Variants in RIT2 observed in about 807,000 individuals in gnomAD.
RIT2 encodes Ras like without CAAX 2, also known as GTP-binding protein Rit2.
Under a neutral mutation model 23.7 loss-of-function variants are expected in RIT2, and 24 were observed. That is an observed-to-expected ratio of 1.01 (90% CI 0.73 to 1.43). The LOEUF (loss-of-function observed/expected upper bound fraction) is 1.43. RIT2 is among the 40% of genes most tolerant of loss of function. The pLI, the probability that RIT2 is intolerant of heterozygous loss-of-function variation, is 0.00. For missense variants in RIT2, 236 were observed against 266.9 expected, an observed-to-expected ratio of 0.88 and a Z score of 0.81; for synonymous variants, 107 against 91.1, an observed-to-expected ratio of 1.17 and a Z score of -0.99.
intron 1 of RIT2, among the ~76,000 whole-genome samples, chr18:43,112,467 G>T (rs1189232443): frequency 6.6e-6 from 1 of 152,154 alleles, no homozygotes; most frequent in Non-Finnish European, 1.5e-5. Flanking sequence ...AAACTTTATT[G>T]ATTACTTGTG....
intron 3 of RIT2, among the ~76,000 whole-genome samples, chr18:42,933,257 C>T (rs988136815): frequency 2.6e-5 from 4 of 152,058 alleles, no homozygotes; most frequent in East Asian, 3.9e-4. Flanking sequence ...GGTACATCAT[C>T]CTAGATAAAT....
intron 1 of RIT2, among the ~76,000 whole-genome samples, chr18:43,112,417 A>G (rs992247002): frequency 1.3e-5 from 2 of 152,340 alleles, no homozygotes; most frequent in East Asian, 3.9e-4. Flanking sequence ...TACGTCCTTC[A>G]TAGTAACTAG....
intron 4 of RIT2, among the ~76,000 whole-genome samples, chr18:42,813,324 T>C (rs1446292147): frequency 6.6e-6 from 1 of 152,168 alleles, no homozygotes; most frequent in Non-Finnish European, 1.5e-5. Flanking sequence ...ATTCCAATAA[T>C]AGGCCATGTA....
At chr18:42,885,642 C>T (rs1908002993) in intron 4 of RIT2, among the ~76,000 whole-genome samples, 1 of 152,046 alleles carries the variant, frequency 6.6e-6, no homozygotes, top group Non-Finnish European at 1.5e-5. Flanking sequence ...AGTACAAATA[C>T]ATTTTCATGG....
chr18:42,872,951 G>GTA (rs1223279968), intron 4 of RIT2, among the ~76,000 whole-genome samples: 4 of 152,114 alleles, frequency 2.6e-5, no homozygotes, highest in Non-Finnish European at 5.9e-5. Context: ...ATAACAATGA[G>GTA]TATCACCAGA....
At chr18:42,864,903 A>G (rs1236130290) in intron 4 of RIT2, among the ~76,000 whole-genome samples, 2 of 152,130 alleles carry the variant, frequency 1.3e-5, no homozygotes, top group African/African-American at 4.8e-5. Context: ...ATGTATGGAA[A>G]TGTATGCCTT....
intron 4 of RIT2, among the ~76,000 whole-genome samples, chr18:42,848,743 T>C (rs952711421): frequency 1.3e-5 from 2 of 151,664 alleles, no homozygotes; most frequent in Non-Finnish European, 2.9e-5. Context: ...AAGCACATTG[T>C]GAAGTTTTTT....
intron 4 of RIT2, among the ~76,000 whole-genome samples, chr18:42,901,676 T>C (rs1908479509): frequency 6.6e-6 from 1 of 152,050 alleles, no homozygotes; most frequent in African/African-American, 2.4e-5. Context: ...AAAAGTCCAA[T>C]GCATGATATT....
intron 1 of RIT2, among the ~76,000 whole-genome samples, chr18:43,060,060 CA>C (rs1912608227): frequency 6.6e-6 from 1 of 152,058 alleles, no homozygotes; most frequent in Admixed American, 6.6e-5. Context: ...TCATCCATGA[CA>C]ACACAGCATA....
intron 4 of RIT2, among the ~76,000 whole-genome samples, chr18:42,798,992 CTGTT>C (rs1567999136): frequency 2.6e-5 from 4 of 152,178 alleles, no homozygotes; most frequent in African/African-American, 4.8e-5. Context: ...ATTGCATAAA[CTGTT>C]TATTTTAGTT....
rs545069969 is a variant in RIT2, at chr18:42,757,355, T to A, written c.427-13635A>T. Among the ~76,000 whole-genome samples, 6 of 152,298 alleles carry A rather than the reference T, an allele frequency of 3.9e-5. No individual in the cohort carries two copies. In the South Asian group the frequency reaches 1.0e-3, roughly 26 times the overall value. On this transcript the variant is annotated intron_variant, in intron 4 of 4. Coordinates refer to ENST00000326695, the MANE Select transcript of RIT2 (RefSeq NM_002930.4). ...GACCGGGTCATCATGCCTTCTTGAA[T>A]GGAATCTAGGGACCAGAGTAGCAGA... is the stretch of plus-strand genomic sequence containing the variant.
intron 3 of RIT2, among the ~76,000 whole-genome samples, chr18:42,947,635 G>A (rs1909757606): frequency 6.6e-6 from 1 of 152,058 alleles, no homozygotes; most frequent in Non-Finnish European, 1.5e-5. Context: ...TTTCTATACA[G>A]AGAATGAGGC....
intron 2 of RIT2, among the ~76,000 whole-genome samples, chr18:43,007,415 A>T (rs1022937933): frequency 6.6e-5 from 10 of 151,728 alleles, no homozygotes; most frequent in African/African-American, 2.4e-4. Flanking sequence ...AGAAGTAATG[A>T]GCACCGAGTA....
intron 2 of RIT2, among the ~76,000 whole-genome samples, chr18:43,025,049 A>G (rs955983030): frequency 6.6e-6 from 1 of 151,968 alleles, no homozygotes; most frequent in African/African-American, 2.4e-5. Flanking sequence ...CTCCACTAAA[A>G]ATACAAAAAT....
intron 4 of RIT2, among the ~76,000 whole-genome samples, chr18:42,759,712 T>TACACACAC (rs59733922): frequency 4.6e-5 from 6 of 131,660 alleles, no homozygotes; most frequent in African/African-American, 1.7e-4. Context: ...GTGTTAAATC[T>TACACACAC]ACACACACAC....
At chr18:43,029,659 G>C (rs1911810583) in intron 2 of RIT2, among the ~76,000 whole-genome samples, 1 of 152,094 alleles carries the variant, frequency 6.6e-6, no homozygotes, top group Non-Finnish European at 1.5e-5. Context: ...AATGAAAAAG[G>C]AATTCTTTCC....
chr18:42,763,977 T>C, intron 4 of RIT2, among the ~76,000 whole-genome samples: 1 of 152,260 alleles, frequency 6.6e-6, no homozygotes, highest in East Asian at 1.9e-4. Flanking sequence ...ACCACCATTG[T>C]AGATGCAGTC....
rs117934832 is a variant in RIT2 at position 42,873,915 on chromosome 18, T to C, written c.426+49657A>G. ...TACTGAACTGGGAATCAGAGAACAG[T>C]TAGTGAACTGTGGCCCTGGGGGAAC... On this transcript the variant is annotated intron_variant, in intron 4 of 4. Transcript: ENST00000326695. Among the ~76,000 whole-genome samples the C allele has an allele frequency of 3.1e-3, 474 of 152,266 alleles. 10 individuals carry two copies. The East Asian group carries it at 0.055, about 18-fold the overall frequency.
intron 1 of RIT2, among the ~76,000 whole-genome samples, chr18:43,043,201 T>C (rs568305954): frequency 1.1e-4 from 17 of 152,238 alleles, no homozygotes; most frequent in African/African-American, 3.4e-4. Flanking sequence ...ACAAAATTCC[T>C]TGAAGGAACA....
Sources: gnomAD v4.1 joint callset for allele counts (sites outside exome capture counted in the v4.1 genomes callset) on GRCh38, gnomAD v4.1.1 for gene constraint, MANE v1.5 for transcripts, NCBI Gene and HGNC (gene_info 2026-07-23, HGNC 2026-07-21) for gene names.